STK39: variants seen among roughly 807,000 people sequenced by gnomAD.
STK39 encodes the protein STE20/SPS1-related proline-alanine-rich protein kinase.
A neutral mutation model predicts 77.8 loss-of-function variants in STK39; 20 were observed. The observed-to-expected ratio is 0.26, with a 90% CI of 0.18 to 0.37. The LOEUF is 0.37. STK39 is among the 10% of genes least tolerant of loss of function. The probability of loss-of-function intolerance (pLI) is 1.00; values close to 1 mark genes in which losing one functional copy is unlikely to be tolerated. For missense variants in STK39, 479 were observed against 656.5 expected (o/e 0.73, Z 2.95); for synonymous variants, 246 against 234.1 (o/e 1.05, Z -0.47).
intron 5 of STK39, among the ~76,000 whole-genome samples, chr2:168,142,864 C>T (rs1688031342): frequency 6.6e-6 from 1 of 152,180 alleles, no homozygotes; most frequent in Non-Finnish European, 1.5e-5. Flanking sequence ...GATGTGTATA[C>T]AGATTATATG....
At chr2:168,029,274 G>A (rs576961645) in intron 14 of STK39, among the ~76,000 whole-genome samples, 5 of 152,298 alleles carry the variant, frequency 3.3e-5, no homozygotes, top group African/African-American at 7.2e-5. Flanking sequence ...GCAGAAAAGG[G>A]AAACTGTTGC....
At chr2:168,237,814 G>A (rs910225392) in intron 1 of STK39, among the ~76,000 whole-genome samples, 3 of 151,788 alleles carry the variant, frequency 2.0e-5, no homozygotes, top group South Asian at 4.2e-4. Context: ...CTATATTCTT[G>A]TACCACTTCT....
At chr2:168,118,093 G>A (rs1314358000) in intron 10 of STK39, among the ~76,000 whole-genome samples, 1 of 152,106 alleles carries the variant, frequency 6.6e-6, no homozygotes, top group Admixed American at 6.6e-5. Flanking sequence ...CTACCGTAGG[G>A]AAGGTCAGCA....
chr2:168,245,137 C>T (rs1407157734), intron 1 of STK39, among the ~76,000 whole-genome samples: 1 of 152,208 alleles, frequency 6.6e-6, no homozygotes, highest in Non-Finnish European at 1.5e-5. Flanking sequence ...TATGGCCCAC[C>T]TCTTCCTGTC....
At chr2:168,145,436 G>GC (rs1405622469) in intron 5 of STK39, among the ~76,000 whole-genome samples, 1 of 152,030 alleles carries the variant, frequency 6.6e-6, no homozygotes, top group African/African-American at 2.4e-5. Flanking sequence ...TCCAAGGCAG[G>GC]CCCCTGCTGC....
intron 2 of STK39, among the ~76,000 whole-genome samples, chr2:168,168,331 C>T (rs1329628204): frequency 2.6e-5 from 4 of 152,074 alleles, no homozygotes; most frequent in Non-Finnish European, 4.4e-5. Flanking sequence ...AAGTTATTGT[C>T]GGATGACTCC....
At chr2:168,135,165 G>C (rs187291606) in intron 8 of STK39, among the ~76,000 whole-genome samples, 1 of 151,400 alleles carries the variant, frequency 6.6e-6, no homozygotes, top group African/African-American at 2.4e-5. Flanking sequence ...AAATCAATAA[G>C]AGTACACAGT....
At chr2:168,077,457 G>C (rs1686109869) in intron 10 of STK39, among the ~76,000 whole-genome samples, 1 of 152,098 alleles carries the variant, frequency 6.6e-6, no homozygotes, top group Non-Finnish European at 1.5e-5. Context: ...AAGAGAGAAA[G>C]ATAAAACAAA....
chr2:167,973,583 T>A (rs191585815), intron 16 of STK39, among the ~76,000 whole-genome samples: 95 of 152,300 alleles, frequency 6.2e-4, no homozygotes, highest in African/African-American at 2.1e-3. Context: ...AATTTATGCA[T>A]CAAAAGTAAA....
chr2:168,242,391 G>C (rs985304774), intron 1 of STK39, among the ~76,000 whole-genome samples: 2 of 150,712 alleles, frequency 1.3e-5, no homozygotes, highest in Middle Eastern at 3.2e-3. Context: ...GTGAAACCCT[G>C]TTTCTATCAA....
At chr2:168,048,251 C>T (rs1444955576) in intron 14 of STK39, among the ~76,000 whole-genome samples, 2 of 148,896 alleles carry the variant, frequency 1.3e-5, no homozygotes, top group Non-Finnish European at 3.0e-5. Context: ...CTCATTCTGT[C>T]ACCCAGGCTG....
chr2:168,154,402 C>T (rs538886064), intron 5 of STK39, among the ~76,000 whole-genome samples: 6 of 152,332 alleles, frequency 3.9e-5, no homozygotes, highest in South Asian at 2.1e-4. Context: ...GGGGCCTAGA[C>T]TGGCTACTGT....
intron 14 of STK39, among the ~76,000 whole-genome samples, chr2:168,044,505 A>G (rs1685188850): frequency 6.6e-6 from 1 of 152,144 alleles, no homozygotes; most frequent in Admixed American, 6.5e-5. Flanking sequence ...CTGAAATATG[A>G]CCCAAAGACT....
At chr2:167,977,519 AG>A (rs1683308506) in intron 16 of STK39, among the ~76,000 whole-genome samples, 2 of 151,824 alleles carry the variant, frequency 1.3e-5, no homozygotes. Flanking sequence ...CATGTTTACC[AG>A]GAATACCCAG....
chr2:168,179,602 A>G (rs898630458), intron 2 of STK39, among the ~76,000 whole-genome samples: 7 of 152,232 alleles, frequency 4.6e-5, no homozygotes, highest in South Asian at 2.1e-4. Flanking sequence ...AAAGAAAATA[A>G]GAATGAGAAA....
chr2:168,092,320 G>A (rs1441275736), intron 10 of STK39, among the ~76,000 whole-genome samples: 5 of 152,192 alleles, frequency 3.3e-5, no homozygotes, highest in Non-Finnish European at 7.3e-5. Context: ...TTTTATCTCA[G>A]GGGCAATGTC....
intron 1 of STK39, among the ~76,000 whole-genome samples, chr2:168,237,764 T>C (rs1289658518): frequency 6.6e-6 from 1 of 152,202 alleles, no homozygotes. Context: ...TGGATTTTTT[T>C]TCCTTTGGTC....
At chr2:168,234,267 C>G (rs1007184084) in intron 1 of STK39, among the ~76,000 whole-genome samples, 3 of 152,246 alleles carry the variant, frequency 2.0e-5, no homozygotes, top group Admixed American at 2.0e-4. Flanking sequence ...CAGTCTATAT[C>G]TGCACTAGCC....
intron 1 of STK39, among the ~76,000 whole-genome samples, chr2:168,244,442 G>C (rs919305009): frequency 2.0e-5 from 3 of 152,180 alleles, no homozygotes; most frequent in African/African-American, 7.2e-5. Flanking sequence ...GCACATCTGA[G>C]CCTCCTGCTG....
Sources: allele counts gnomAD v4.1 joint callset (sites outside exome capture counted in the v4.1 genomes callset), GRCh38; gene constraint gnomAD v4.1.1; transcripts MANE v1.5; gene names NCBI Gene and HGNC (gene_info 2026-07-23, HGNC 2026-07-21).